Variants in KCNAB2 observed in about 807,000 individuals in gnomAD.
KCNAB2 encodes voltage-gated potassium channel subunit beta-2.
A neutral mutation model predicts 63.6 loss-of-function variants in KCNAB2; 29 were observed. The observed-to-expected ratio is 0.46, with a 90% CI of 0.34 to 0.62. The LOEUF is 0.62. Among genes scored for constraint, KCNAB2 ranks in the 20% least tolerant of loss-of-function variants. KCNAB2 has a pLI of 0.01. For missense variants in KCNAB2, 359 were observed against 563.9 expected, an observed-to-expected ratio of 0.64 and a Z score of 3.68; for synonymous variants, 222 against 224.2, an observed-to-expected ratio of 0.99 and a Z score of 0.09.
chr1:6,038,721 C>T (rs1660253007), intron 1 of KCNAB2, among the ~76,000 whole-genome samples: 1 of 152,226 alleles, frequency 6.6e-6, no homozygotes, highest in South Asian at 2.1e-4. Flanking sequence ...TGGGAATCCC[C>T]TCCCTTACTT....
intron 1 of KCNAB2, among the ~76,000 whole-genome samples, chr1:6,013,776 C>T (rs890381691): frequency 9.9e-5 from 15 of 151,944 alleles, no homozygotes; most frequent in African/African-American, 3.1e-4. Context: ...TGCATTGCCT[C>T]GGAGACTCCT....
At chr1:6,094,267 T>C (rs542911174) in intron 10 of KCNAB2, 133 bp from the exon 11 acceptor site, 23 of 653,748 alleles carry the variant, frequency 3.5e-5, no homozygotes, top group Non-Finnish European at 6.2e-5. Flanking sequence ...AGCCAGGAAG[T>C]ACACTGCTTG....
chr1:6,091,352 T>C, intron 10 of KCNAB2, 45 bp downstream of exon 10: 1 of 1,307,740 alleles, frequency 7.6e-7, no homozygotes, highest in South Asian at 1.3e-5. Flanking sequence ...GTGTCCAAGC[T>C]GCATTTTATG....
chr1:6,097,160 A>T, intron 14 of KCNAB2, 109 bp from the exon 15 acceptor site: 1 of 1,280,576 alleles, frequency 7.8e-7, no homozygotes. Flanking sequence ...ACCCCCTCAG[A>T]CCCCCAGACC....
chr1:6,096,804 C>A lies in KCNAB2; in HGVS notation c.1069+48C>A. ...GCCAGTGCCCCTGGGGAGAACCTGC[C>A]CCAGCTGGCCGTAGGTAACAGGGTG... On this transcript the variant is annotated intron_variant, in intron 14 of 15. Coordinates refer to ENST00000378083, the MANE Select transcript of KCNAB2 (RefSeq NM_001199862.2). This position sits in a 1 kb window ranked among gnomAD's most constrained non-coding sequence, Gnocchi z 5.9. The A allele has an allele frequency of 6.6e-7, 1 of 1,505,088 alleles. No homozygotes were observed. Among genetic ancestry groups the A allele is most frequent in the African/African-American group, 1.4e-5 (1 of 72,132 alleles). The allele number at this position is 1,505,088 out of a possible 1,614,324, so 93.2% of individuals were successfully genotyped here. A position where few individuals can be genotyped will look rare whatever the true frequency, so the allele number is the denominator to read the frequency against.
intron 1 of KCNAB2, among the ~76,000 whole-genome samples, chr1:6,007,262 G>A (rs1307346674): frequency 2.0e-5 from 3 of 152,224 alleles, no homozygotes; most frequent in Non-Finnish European, 4.4e-5. Flanking sequence ...GGGGACCCCA[G>A]CCACACCCAG....
rs1216940463 is a variant in KCNAB2, at chr1:6,071,745, CCCTCCTGCCGCGTGGGCT to C, written c.219-982_219-965del. ...GCGTAGGACTCCTGCGGCGAGGGCT[CCCTCCTGCCGCGTGGGCT>C]CCTCCTGCCGCGTGGGCTCCTCCTG... is the stretch of plus-strand genomic sequence containing the variant. On this transcript the variant is annotated intron_variant, in intron 2 of 15. Transcript: ENST00000378083. This position sits in a 1 kb window ranked among gnomAD's most constrained non-coding sequence, Gnocchi z 8.5. 3.7e-4 allele frequency among the ~76,000 whole-genome samples: 56 copies of C among 151,076 alleles called. No homozygotes were observed. The highest frequency in any genetic ancestry group is 2.5e-3 in the South Asian group (12 of 4,744).
chr1:6,053,551 G>GA (rs1207560773), intron 2 of KCNAB2, among the ~76,000 whole-genome samples: 2 of 152,142 alleles, frequency 1.3e-5, no homozygotes, highest in Non-Finnish European at 2.9e-5. Context: ...AGCCCAAGAG[G>GA]AGAGGGGTCT....
At chr1:6,015,023 T>G (rs1658403147) in intron 1 of KCNAB2, among the ~76,000 whole-genome samples, 1 of 124,894 alleles carries the variant, frequency 8.0e-6, no homozygotes. Flanking sequence ...TTCCTTTTTT[T>G]TTTTTTTTTT....
In KCNAB2 at chr1:6,071,924, C is replaced by T. The variant is rs1426936709; in HGVS notation, c.219-831C>T. ...GCCGCGTAGGGCTCCCGGGAGGATCCGGGGACAGGATGCCTGGGGACTGCC... is the reference window on the plus strand; with the variant it reads ...GCCGCGTAGGGCTCCCGGGAGGATCTGGGGACAGGATGCCTGGGGACTGCC... On this transcript the variant is annotated intron_variant, in intron 2 of 15. Transcript: ENST00000378083. The surrounding 1 kb of genome is among the most constrained non-coding windows in gnomAD (Gnocchi z 8.5). 1.3e-5 allele frequency among the ~76,000 whole-genome samples: 2 copies of T among 152,084 alleles called. No homozygotes were observed. The highest frequency in any genetic ancestry group is 2.9e-5 in the Non-Finnish European group (2 of 67,952).
At position 6,069,974 on chromosome 1, in the gene KCNAB2, G is replaced by A. The variant is rs943927756; in HGVS notation, c.219-2781G>A. Among the ~76,000 whole-genome samples, 7 of 152,292 alleles carry A rather than the reference G, an allele frequency of 4.6e-5. No individual in the cohort carries two copies. In the South Asian group the frequency reaches 8.3e-4, roughly 18 times the overall value. On this transcript the variant is annotated intron_variant, in intron 2 of 15. Transcript: ENST00000378083. This position sits in a 1 kb window ranked among gnomAD's most constrained non-coding sequence, Gnocchi z 5.4. ...GAACAGATATGGAATCAGGGGCAGG[G>A]GCACCTTTTGCCAGCCCTCCCCAAA...
chr1:6,094,634 G>A (rs1343599971), intron 11 of KCNAB2, 149 bp downstream of exon 11: 1 of 652,388 alleles, frequency 1.5e-6, no homozygotes, highest in Non-Finnish European at 2.7e-6. Flanking sequence ...ATGGTGGAGT[G>A]TGGTGGTTAT....
In KCNAB2 at chr1:6,099,725, C is replaced by A; in HGVS notation, c.*1151C>A. On this transcript the variant is annotated 3_prime_UTR_variant, in exon 16 of 16. Coordinates refer to ENST00000378083, the MANE Select transcript of KCNAB2 (RefSeq NM_001199862.2). ...ACTTGGGGGCTGCACCCCCACAGCA[C>A]CCCCACAATGTAGGAAAAGACCTCA... 1 of 1,440,920 alleles carries A rather than the reference C, an allele frequency of 6.9e-7. No individual in the cohort carries two copies. The allele number at this position is 1,440,920 out of a possible 1,614,324, so 89.3% of individuals were successfully genotyped here.
chr1:6,040,277 T>C (rs981396372), intron 1 of KCNAB2, among the ~76,000 whole-genome samples: 4 of 151,834 alleles, frequency 2.6e-5, no homozygotes, highest in African/African-American at 9.7e-5. Flanking sequence ...AGTGATGGAG[T>C]GTGGAAACCC....
intron 2 of KCNAB2, among the ~76,000 whole-genome samples, chr1:6,070,127 T>G (rs959560938): frequency 8.5e-5 from 13 of 152,176 alleles, no homozygotes; most frequent in Admixed American, 7.2e-4. Context: ...GCCTCCCTTC[T>G]CGATGCCCAG....
In KCNAB2 at chr1:6,073,913, G is replaced by A. The variant is rs899268529; in HGVS notation, c.300+143G>A. The A allele has an allele frequency of 2.4e-5, 20 of 825,300 alleles. No individual in the cohort carries two copies. Among genetic ancestry groups the A allele is most frequent in the Middle Eastern group, 5.7e-4 (2 of 3,516 alleles). The allele number at this position is 825,300 out of a possible 1,614,324, so 51.1% of individuals were successfully genotyped here. On this transcript the variant is annotated intron_variant, in intron 4 of 15. Transcript: ENST00000378083. This position sits in a 1 kb window ranked among gnomAD's most constrained non-coding sequence, Gnocchi z 5.7. ...CTCCCTCTTTCTGTTTTGTGAGGGCGCCCTGCCCCAGGGGAGAGTAGAAAG... is the reference window on the plus strand; with the variant it reads ...CTCCCTCTTTCTGTTTTGTGAGGGCACCCTGCCCCAGGGGAGAGTAGAAAG...
At chr1:5,999,923 G>A (rs577260262) in intron 1 of KCNAB2, among the ~76,000 whole-genome samples, 7 of 142,764 alleles carry the variant, frequency 4.9e-5, no homozygotes, top group Admixed American at 1.4e-4. Flanking sequence ...TCTGTGCCCC[G>A]TCCGCATCCC....
rs986735610 is a variant in KCNAB2 at position 6,096,949 on chromosome 1, G to A, written c.1069+193G>A. On this transcript the variant is annotated intron_variant, in intron 14 of 15. Coordinates refer to ENST00000378083, the MANE Select transcript of KCNAB2 (RefSeq NM_001199862.2). This position sits in a 1 kb window ranked among gnomAD's most constrained non-coding sequence, Gnocchi z 5.9. ...ATGGTTGGGACCCCATGCCTCTAGG[G>A]GGATGTCAGGAGTCCCTGAGGACCT... is the stretch of plus-strand genomic sequence containing the variant. Among the ~76,000 whole-genome samples the A allele has an allele frequency of 5.9e-5, 9 of 152,166 alleles. No individual in the cohort carries two copies. The highest frequency in any genetic ancestry group is 5.2e-4 in the Admixed American group (8 of 15,286).
chr1:6,007,898 G>GGCAGCT (rs1299620434), intron 1 of KCNAB2, among the ~76,000 whole-genome samples: 2 of 152,180 alleles, frequency 1.3e-5, no homozygotes, highest in Non-Finnish European at 2.9e-5. Flanking sequence ...GCCAGGTAGA[G>GGCAGCT]GCAGCTGCAG....
Sources: gnomAD v4.1 joint callset for allele counts (sites outside exome capture counted in the v4.1 genomes callset) on GRCh38, gnomAD v4.1.1 for gene constraint, Gnocchi (gnomAD v3.1) non-coding constraint, MANE v1.5 for transcripts, NCBI Gene and HGNC (gene_info 2026-07-23, HGNC 2026-07-21) for gene names.